Variants in TTC22 observed in about 807,000 individuals in gnomAD.
TTC22 encodes the protein tetratricopeptide repeat domain 22.
In TTC22, 42 loss-of-function variants were observed where a neutral mutation model predicts 48.2. The observed-to-expected ratio is 0.87, with a 90% confidence interval of 0.68 to 1.13. TTC22 has a LOEUF of 1.13. TTC22 is among the 50% of genes most tolerant of loss of function. TTC22 has a pLI of 0.00. For synonymous variants in TTC22, 345 were observed against 365.5 expected, an observed-to-expected ratio of 0.94 and a Z score of 0.64; for missense variants, 784 against 807.0, an observed-to-expected ratio of 0.97 and a Z score of 0.34.
In TTC22 at chr1:54,782,422, C is replaced by G. The variant is rs983212653; in HGVS notation, c.1076G>C (p.Gly359Ala). The G allele has an allele frequency of 6.4e-6, 10 of 1,551,130 alleles. No homozygotes were observed. In the African/African-American group the frequency reaches 1.2e-4, roughly 19 times the overall value. Residue 359 changes from glycine to alanine, a missense_variant, in exon 6 of 7, where the codon GGC (glycine) becomes GCC (alanine). Coordinates refer to ENST00000371276, the MANE Select transcript of TTC22 (RefSeq NM_001114108.2). ...DLKRAKMGLG[G>A]MPDRNHLACA... ...GGCCAGGTGGTTCCTGTCAGGCATG[C>G]CCCCGAGACCCATCTTGGCCCGCTT... is the stretch of plus-strand genomic sequence containing the variant.
Position 54,780,786 on chromosome 1 carries a change from C to A in TTC22, c.*457G>T, listed in dbSNP as rs1171526890. ...CTTTTCTGGCTGCAGGAGCTGAGACCACACTCCAGTCAACTAAAGTAAACG... is the reference window on the plus strand; with the variant it reads ...CTTTTCTGGCTGCAGGAGCTGAGACAACACTCCAGTCAACTAAAGTAAACG... On this transcript the variant is annotated 3_prime_UTR_variant, in exon 7 of 7. Coordinates refer to ENST00000371276, the MANE Select transcript of TTC22 (RefSeq NM_001114108.2). 6.5e-6 allele frequency: 1 copy of A among 153,458 alleles called. No homozygotes were observed. Among genetic ancestry groups the A allele is most frequent in the Non-Finnish European group, 1.4e-5 (1 of 69,000 alleles). The allele number at this position is 153,458 out of a possible 1,614,324, so 9.5% of individuals were successfully genotyped here.
At position 54,800,652 on chromosome 1, in the gene TTC22, C is replaced by G. The variant is rs759086851; in HGVS notation, c.512G>C (p.Arg171Pro). The change falls in exon 1 of 7, where the codon CGG (arginine) becomes CCG (proline). Residue 171 changes from arginine to proline, a missense_variant. Coordinates refer to ENST00000371276, the MANE Select transcript of TTC22 (RefSeq NM_001114108.2). ...VGCASPEERA[R>P]GLAAGIALYD... Reference sequence around the variant, plus strand: ...GAGCGCGATGCCTGCCGCCAGCCCCCGCGCACGCTCCTCTGGGCTGGCGCA... The same window carrying G: ...GAGCGCGATGCCTGCCGCCAGCCCCGGCGCACGCTCCTCTGGGCTGGCGCA... 1.0e-5 allele frequency: 16 copies of G among 1,554,478 alleles called. No individual in the cohort carries two copies. The highest frequency in any genetic ancestry group is 1.7e-4 in the Middle Eastern group (1 of 5,842).
chr1:54,782,614 A>T, intron 5 of TTC22, 137 bp from the exon 6 acceptor site: 1 of 910,910 alleles, frequency 1.1e-6, no homozygotes, highest in Non-Finnish European at 1.6e-6. Flanking sequence ...CCCTGAGGCC[A>T]GGACCCAGGA....
chr1:54,796,168 GTGTGCGCGTGTGTGTGTC>G (rs1646388429), intron 1 of TTC22, among the ~76,000 whole-genome samples: 3 of 152,388 alleles, frequency 2.0e-5, no homozygotes, highest in Middle Eastern at 3.4e-3. Context: ...AGTCGTGTGT[GTGTGCGCGTGTGTGTGTC>G]TGTGCGCGTG....
chr1:54,781,579 T>G lies in TTC22; in HGVS notation c.1374A>C (p.Ala458=). The G allele has an allele frequency of 3.3e-6, 5 of 1,524,158 alleles. No homozygotes were observed. Among genetic ancestry groups the G allele is most frequent in the Non-Finnish European group, 4.4e-6 (5 of 1,142,230 alleles). The allele number at this position is 1,524,158 out of a possible 1,614,324, so 94.4% of individuals were successfully genotyped here. ...TGGAGCCCGCGTCGTCCAGCTCCAC[T>G]GCGCGCTTGAAGCAGGCGGCCGCGT... ...DANAAACFKR[A]VELDDAGSSH... Residue 458 remains alanine (A), a synonymous_variant, in exon 7 of 7, where the codon GCA becomes GCC. Transcript: ENST00000371276.
intron 5 of TTC22, chr1:54,785,074 T>A (rs753851967): frequency 2.4e-4 from 46 of 188,604 alleles, no homozygotes; most frequent in Non-Finnish European, 4.3e-4. Flanking sequence ...TCATAACAAC[T>A]CCAGTCTACA....
chr1:54,781,796 G>C lies in TTC22; in HGVS notation c.1174-17C>G. ...GTAGTAGACCTGGGGTCGGGGACGC[G>C]GGGTGAGCCCTTCACCGCAGGCGCG... is the stretch of plus-strand genomic sequence containing the variant. On this transcript the variant is annotated splice_polypyrimidine_tract_variant and intron_variant, in intron 6 of 6. Coordinates refer to ENST00000371276, the MANE Select transcript of TTC22 (RefSeq NM_001114108.2). 7.1e-7 allele frequency: 1 copy of C among 1,402,136 alleles called. No homozygotes were observed. Among genetic ancestry groups the C allele is most frequent in the Non-Finnish European group, 9.2e-7 (1 of 1,082,462 alleles). The allele number at this position is 1,402,136 out of a possible 1,614,324, so 86.9% of individuals were successfully genotyped here. A position where few individuals can be genotyped will look rare whatever the true frequency, so the allele number is the denominator to read the frequency against.
intron 6 of TTC22, among the ~76,000 whole-genome samples, chr1:54,782,018 G>A (rs1359825061): frequency 6.6e-6 from 1 of 152,158 alleles, no homozygotes; most frequent in African/African-American, 2.4e-5. Flanking sequence ...CTGGATCTCG[G>A]TTTTCTTGTA....
chr1:54,797,733 G>A (rs1042045003), intron 1 of TTC22, among the ~76,000 whole-genome samples: 1 of 152,174 alleles, frequency 6.6e-6, no homozygotes, highest in East Asian at 1.9e-4. Flanking sequence ...TTTGGATTAC[G>A]GGCTGAATGA....
intron 1 of TTC22, among the ~76,000 whole-genome samples, chr1:54,792,511 C>T (rs1286378990): frequency 3.9e-5 from 6 of 152,010 alleles, no homozygotes; most frequent in Non-Finnish European, 7.4e-5. Context: ...CTTGGCTCAA[C>T]GCAACCTCCG....
chr1:54,800,648 C>G lies in TTC22; in HGVS notation c.516G>C (p.Gly172=). 1 of 1,553,358 alleles carries G rather than the reference C, an allele frequency of 6.4e-7. No homozygotes were observed. The highest frequency in any genetic ancestry group is 8.6e-7 in the Non-Finnish European group (1 of 1,161,068). Residue 172 remains glycine (G), a synonymous_variant, in exon 1 of 7, where the codon GGG becomes GGC. Coordinates refer to ENST00000371276, the MANE Select transcript of TTC22 (RefSeq NM_001114108.2). The stretch of plus-strand genomic sequence containing the variant: ...CGTAGAGCGCGATGCCTGCCGCCAG[C>G]CCCCGCGCACGCTCCTCTGGGCTGG... The part of the protein sequence containing the change: ...GCASPEERAR[G]LAAGIALYDK...
At chr1:54,798,884 C>T (rs546721797) in intron 1 of TTC22, among the ~76,000 whole-genome samples, 16 of 152,238 alleles carry the variant, frequency 1.1e-4, no homozygotes, top group African/African-American at 2.4e-4. Flanking sequence ...TCACAAGAGA[C>T]GACAAGTGAC....
In TTC22 at chr1:54,801,098, CG is replaced by C; in HGVS notation, c.65del (p.Pro22ArgfsTer10). On this transcript the variant is annotated frameshift_variant, in exon 1 of 7. Transcript: ENST00000371276. LOFTEE classifies it high-confidence loss of function. ...DALIDDLDYL[P>X]GHFHLEMQLN... ...ACTGCATCTCCAGGTGAAAGTGGCC[CG>C]GGAGGTAGTCCAGGTCGTCGATGAG... is the stretch of plus-strand genomic sequence containing the variant. 3 of 1,611,780 alleles carry C rather than the reference CG, an allele frequency of 1.9e-6. No individual in the cohort carries two copies. Among genetic ancestry groups the C allele is most frequent in the Non-Finnish European group, 2.5e-6 (3 of 1,179,152 alleles).
chr1:54,797,285 CAT>C (rs2307949), intron 1 of TTC22, among the ~76,000 whole-genome samples: 103,863 of 151,832 alleles, frequency 0.68, 36,080 homozygotes, highest in South Asian at 0.78. Flanking sequence ...TGTGTATACA[CAT>C]GTGTGTATAT....
chr1:54,787,471 C>T (rs1380119274), intron 3 of TTC22: 4 of 586,614 alleles, frequency 6.8e-6, no homozygotes, highest in African/African-American at 3.7e-5. Flanking sequence ...AACTACCTCT[C>T]ACCCTCCAGG....
In TTC22 at chr1:54,800,967, G is replaced by A. The variant is rs753621819; in HGVS notation, c.197C>T (p.Pro66Leu). Residue 66 changes from proline (P) to leucine (L), a missense_variant, in exon 1 of 7, where the codon CCC becomes CTC. By Grantham distance (98) the Pro-to-Leu change is moderately conservative. Coordinates refer to ENST00000371276, the MANE Select transcript of TTC22 (RefSeq NM_001114108.2). ...ELQLAAAPQR[P>L]AVRHLLGAFA... ...AGCGCCCAGGAGGTGACGCACAGCG[G>A]GGCGCTGCGGGGCGGCCGCCAGCTG... 1.2e-6 allele frequency: 2 copies of A among 1,602,772 alleles called. No individual in the cohort carries two copies. Among genetic ancestry groups the A allele is most frequent in the Non-Finnish European group, 1.7e-6 (2 of 1,176,440 alleles).
chr1:54,784,674 C>A, intron 5 of TTC22: 1 of 1,139,630 alleles, frequency 8.8e-7, no homozygotes, highest in South Asian at 1.8e-5. Flanking sequence ...TGCCTCGTAC[C>A]TGCTGGCAAA....
chr1:54,787,281 G>A (rs1646311559), intron 3 of TTC22: 3 of 552,906 alleles, frequency 5.4e-6, no homozygotes, highest in South Asian at 2.5e-5. Flanking sequence ...TGCTTATTCT[G>A]TGCTCAATGT....
chr1:54,800,646 A>G lies in TTC22; in HGVS notation c.518T>C (p.Leu173Pro). ...GTCGTAGAGCGCGATGCCTGCCGCC[A>G]GCCCCCGCGCACGCTCCTCTGGGCT... ...CASPEERARG[L>P]AAGIALYDKA... The change falls in exon 1 of 7, where the codon CTG (leucine) becomes CCG (proline). Residue 173 changes from leucine (L) to proline (P), a missense_variant. By Grantham distance (98) the Leu-to-Pro change is moderately conservative. Transcript: ENST00000371276. 1 of 1,553,842 alleles carries G rather than the reference A, an allele frequency of 6.4e-7. No individual in the cohort carries two copies. Among genetic ancestry groups the G allele is most frequent in the Non-Finnish European group, 8.6e-7 (1 of 1,161,342 alleles).
Sources: gnomAD v4.1 joint callset for allele counts (sites outside exome capture counted in the v4.1 genomes callset) on GRCh38, gnomAD v4.1.1 for gene constraint, MANE v1.5 for transcripts, NCBI Gene and HGNC (gene_info 2026-07-23, HGNC 2026-07-21) for gene names.